The following CFAP46 variants were observed in gnomAD, a reference collection of about 807,000 sequenced individuals.
The protein encoded by CFAP46 is cilia and flagella associated protein 46.
Under a neutral mutation model 325.7 loss-of-function variants are expected in CFAP46, and 245 were observed. The ratio of observed to expected loss-of-function variants is 0.75; its 90% CI spans 0.68 to 0.84. CFAP46 has a LOEUF of 0.84. CFAP46 is among the 40% of genes least tolerant of loss of function. The probability of loss-of-function intolerance (pLI) is 0.00; values close to 1 mark genes in which losing one functional copy is unlikely to be tolerated. For missense variants in CFAP46, 3,346 were observed against 3,543.0 expected (o/e 0.94, Z 1.41); for synonymous variants, 1,523 against 1,495.9 (o/e 1.02, Z -0.42).
At chr10:132,908,161 G>A (rs1269214950) in intron 22 of CFAP46, among the ~76,000 whole-genome samples, 5 of 152,250 alleles carry the variant, frequency 3.3e-5, no homozygotes, top group Non-Finnish European at 4.4e-5. Flanking sequence ...CCGGCAGGAC[G>A]GAGGCTGCCT....
At chr10:132,835,558 C>T (rs1848227021) in intron 46 of CFAP46, 124 bp from the exon 47 acceptor site, 1 of 1,271,354 alleles carries the variant, frequency 7.9e-7, no homozygotes, top group Admixed American at 2.1e-5. Flanking sequence ...ATGGAAGTCC[C>T]TTCCTTCATG....
Position 132,828,843 on chromosome 10 carries a change from C to T in CFAP46, c.7117+4515G>A, listed in dbSNP as rs149179256. Reference sequence around the variant, plus strand: ...GCCACTCATGGAGATGCCCTTCCTCCGCTCAGCGTCCTCGTCCCTTTGCCA... The same window carrying T: ...GCCACTCATGGAGATGCCCTTCCTCTGCTCAGCGTCCTCGTCCCTTTGCCA... On this transcript the variant is annotated intron_variant, in intron 50 of 57. Transcript: ENST00000368586. This position sits in a 1 kb window ranked among gnomAD's most constrained non-coding sequence, Gnocchi z 4.9. Among the ~76,000 whole-genome samples the T allele has an allele frequency of 3.9e-3, 587 of 152,214 alleles. 7 individuals are homozygous for T. The South Asian group carries it at 0.06, about 16-fold the overall frequency.
Position 132,829,440 on chromosome 10 carries a change from G to C in CFAP46, c.7117+3918C>G, listed in dbSNP as rs1212437673. ...TTGCCAAAATCACTCACTAGTCAGA[G>C]TAGCTTTTTCTGTAGATTAGACTAC... On this transcript the variant is annotated intron_variant, in intron 50 of 57. Transcript: ENST00000368586. 2.0e-5 allele frequency among the ~76,000 whole-genome samples: 3 copies of C among 152,220 alleles called. No individual in the cohort carries two copies. In the East Asian group the frequency reaches 5.8e-4, roughly 29 times the overall value.
chr10:132,919,499 G>C lies in CFAP46; in HGVS notation c.1731-57C>G. On this transcript the variant is annotated intron_variant, in intron 14 of 57. Coordinates refer to ENST00000368586, the MANE Select transcript of CFAP46 (RefSeq NM_001200049.3). The surrounding 1 kb of genome is among the most constrained non-coding windows in gnomAD (Gnocchi z 9.7). Reference sequence around the variant, plus strand: ...TGAGTAGACAAGTGTGGTTGCTGAAGTTAGAAAACACCTGGGCTGGCTGCC... The same window carrying C: ...TGAGTAGACAAGTGTGGTTGCTGAACTTAGAAAACACCTGGGCTGGCTGCC... 6.6e-7 allele frequency: 1 copy of C among 1,507,228 alleles called. No individual in the cohort carries two copies. The highest frequency in any genetic ancestry group is 8.9e-7 in the Non-Finnish European group (1 of 1,125,822). The allele number at this position is 1,507,228 out of a possible 1,614,324, so 93.4% of individuals were successfully genotyped here.
intron 5 of CFAP46, 80 bp from the exon 6 acceptor site, chr10:132,937,755 A>G (rs1850031928): frequency 6.6e-7 from 1 of 1,505,422 alleles, no homozygotes; most frequent in Admixed American, 2.3e-5. Flanking sequence ...TTAAACCATT[A>G]CATATTTTGT....
chr10:132,813,005 T>C (rs1441015040), intron 54 of CFAP46, 108 bp from the exon 55 acceptor site: 7 of 768,444 alleles, frequency 9.1e-6, no homozygotes, highest in African/African-American at 1.7e-5. Flanking sequence ...CCTGTCCCAT[T>C]TGTGCATTAA....
rs200617711 is a variant in CFAP46, at chr10:132,929,754, A to G, written c.917T>C (p.Met306Thr). 356 of 1,613,428 alleles carry G rather than the reference A, an allele frequency of 2.2e-4. No homozygotes were observed. The highest frequency in any genetic ancestry group is 6.0e-5 in the Non-Finnish European group (71 of 1,179,720). Residue 306 changes from methionine (M) to threonine (T), a missense_variant, in exon 9 of 58, where the codon ATG (methionine) becomes ACG (threonine). Transcript: ENST00000368586. ...LARFSLTLKC[M>T]EISSACLSDL... ...TGAGAGGCAGGCAGAGGAGATCTCC[A>G]TGCATTTCAAGGTCAAGGAAAAACG...
chr10:132,930,277 A>G (rs1288723282), intron 8 of CFAP46, among the ~76,000 whole-genome samples: 1 of 108,892 alleles, frequency 9.2e-6, no homozygotes, highest in Non-Finnish European at 1.9e-5. Context: ...GACTCCCCAC[A>G]CTCCCCACAC....
intron 48 of CFAP46, 22 bp downstream of exon 48, chr10:132,834,632 G>C: frequency 6.2e-7 from 1 of 1,611,802 alleles, no homozygotes; most frequent in Non-Finnish European, 8.5e-7. Context: ...TGGGGTGCCA[G>C]CCTCAACGTC....
intron 50 of CFAP46, among the ~76,000 whole-genome samples, chr10:132,820,297 TAA>T (rs1246762160): frequency 6.6e-6 from 1 of 152,186 alleles, no homozygotes; most frequent in Non-Finnish European, 1.5e-5. Flanking sequence ...ATGAGGAATC[TAA>T]GAGTGCAGCT....
intron 4 of CFAP46, among the ~76,000 whole-genome samples, chr10:132,940,175 G>A (rs1850074152): frequency 6.6e-6 from 1 of 152,170 alleles, no homozygotes; most frequent in South Asian, 2.1e-4. Flanking sequence ...ACTTGCAACA[G>A]GGTGTGACCA....
At chr10:132,906,001 C>T (rs1168106108) in intron 22 of CFAP46, among the ~76,000 whole-genome samples, 1 of 152,260 alleles carries the variant, frequency 6.6e-6, no homozygotes, top group African/African-American at 2.4e-5. Flanking sequence ...AACCTCTAGC[C>T]TCCAACAGAG....
Position 132,913,044 on chromosome 10 carries a change from A to C in CFAP46, c.2333+2T>G, listed in dbSNP as rs1159583460. Reference sequence around the variant, plus strand: ...CGTGAACGCAGCACAGCCCACACGCACCCACTGTGGCCTGTGGCCTTAACG... The same window carrying C: ...CGTGAACGCAGCACAGCCCACACGCCCCCACTGTGGCCTGTGGCCTTAACG... On this transcript the variant is annotated splice_donor_variant, in intron 18 of 57. Transcript: ENST00000368586. LOFTEE classifies it high-confidence loss of function. 7 of 1,549,454 alleles carry C rather than the reference A, an allele frequency of 4.5e-6. No individual in the cohort carries two copies. Among genetic ancestry groups the C allele is most frequent in the Non-Finnish European group, 6.1e-6 (7 of 1,146,738 alleles).
At chr10:132,863,007 C>T (rs900482728) in intron 35 of CFAP46, among the ~76,000 whole-genome samples, 91 of 152,242 alleles carry the variant, frequency 6.0e-4, no homozygotes, top group African/African-American at 1.9e-3. Context: ...CTGTCAGAAG[C>T]GCCTGCTGTG....
Position 132,814,614 on chromosome 10 carries a change from T to C in CFAP46, c.7250-2A>G. ...CCTCCTCGTATGGGTCCACGACGAC[T>C]GGGTCCCGGTCAAGGAGAAACGGGA... On this transcript the variant is annotated splice_acceptor_variant, in intron 52 of 57. Coordinates refer to ENST00000368586, the MANE Select transcript of CFAP46 (RefSeq NM_001200049.3). LOFTEE classifies it high-confidence loss of function. 1 of 1,576,736 alleles carries C rather than the reference T, an allele frequency of 6.3e-7. No individual in the cohort carries two copies. Among genetic ancestry groups the C allele is most frequent in the Non-Finnish European group, 8.6e-7 (1 of 1,161,650 alleles).
intron 46 of CFAP46, 65 bp from the exon 47 acceptor site, chr10:132,835,499 T>C (rs1343569755): frequency 1.2e-5 from 19 of 1,588,294 alleles, no homozygotes; most frequent in Admixed American, 3.4e-5. Flanking sequence ...GGACCGTGCA[T>C]GGTGAGCACT....
At chr10:132,897,286 C>T (rs957524842) in intron 24 of CFAP46, among the ~76,000 whole-genome samples, 2 of 152,188 alleles carry the variant, frequency 1.3e-5, no homozygotes, top group African/African-American at 4.8e-5. Flanking sequence ...AACATTTATG[C>T]ATCAAATGGC....
rs912156261 is a variant in CFAP46 at position 132,833,981 on chromosome 10, C to G, written c.6949+60G>C. On this transcript the variant is annotated intron_variant, in intron 49 of 57. Transcript: ENST00000368586. ...TCCCGGATGGGTGGGTGGATCCCAA[C>G]CCCACCTCTTCTGGCGGGATGAGCT... The G allele has an allele frequency of 4.6e-6, 7 of 1,515,422 alleles. 1 individual carries two copies. Among genetic ancestry groups the G allele is most frequent in the Non-Finnish European group, 3.7e-6 (4 of 1,093,954 alleles). 93.9% of individuals were successfully genotyped at this position (1,515,422 alleles called of 1,614,324 possible).
Position 132,860,831 on chromosome 10 carries a change from G to T in CFAP46, c.5042C>A (p.Thr1681Asn). Residue 1681 changes from threonine (T) to asparagine (N), a missense_variant, in exon 36 of 58, where the codon ACC becomes AAC. Thr to Asn is a moderately conservative substitution (Grantham distance 65, BLOSUM62 0). Transcript: ENST00000368586. ...CATGGACAAGAGCGCCTCTGCCAGG[G>T]TCAGAGTGGAATTGTACCAGAACTC... Reference protein sequence around the residue: ...SEEFWYNSTLTLAEALLSMEH... With the variant: ...SEEFWYNSTLNLAEALLSMEH... 6.4e-7 allele frequency: 1 copy of T among 1,551,106 alleles called. No homozygotes were observed. The highest frequency in any genetic ancestry group is 2.4e-5 in the East Asian group (1 of 40,922).
Sources: allele counts gnomAD v4.1 joint callset (sites outside exome capture counted in the v4.1 genomes callset), GRCh38; gene constraint gnomAD v4.1.1; non-coding constraint Gnocchi (gnomAD v3.1); transcripts MANE v1.5; gene names NCBI Gene and HGNC (gene_info 2026-07-23, HGNC 2026-07-21).